Variants in CHRM3 observed in about 807,000 individuals in gnomAD.
The protein encoded by CHRM3 is muscarinic acetylcholine receptor M3.
Under a neutral mutation model 41.8 loss-of-function variants are expected in CHRM3, and 11 were observed. The ratio of observed to expected loss-of-function variants is 0.26; its 90% CI spans 0.17 to 0.44. CHRM3 has a LOEUF of 0.44. CHRM3 is among the 20% of genes least tolerant of loss of function. The pLI, the probability that CHRM3 is intolerant of heterozygous loss-of-function variation, is 1.00. For synonymous variants in CHRM3, 297 were observed against 301.4 expected (o/e 0.99, Z 0.15); for missense variants, 571 against 745.4 (o/e 0.77, Z 2.72).
intron 1 of CHRM3, among the ~76,000 whole-genome samples, chr1:239,423,601 C>A (rs2103114581): frequency 6.6e-6 from 1 of 152,098 alleles, no homozygotes; most frequent in South Asian, 2.1e-4. Context: ...ATTGCAAAAC[C>A]ATGTTACTAA....
chr1:239,669,088 T>C (rs1023877001), intron 4 of CHRM3, among the ~76,000 whole-genome samples: 1 of 152,192 alleles, frequency 6.6e-6, no homozygotes, highest in Non-Finnish European at 1.5e-5. Context: ...GTGTGGAGCC[T>C]GTTGATCCTT....
intron 1 of CHRM3, among the ~76,000 whole-genome samples, chr1:239,440,402 C>T (rs1206193461): frequency 6.6e-6 from 1 of 152,194 alleles, no homozygotes; most frequent in Non-Finnish European, 1.5e-5. Flanking sequence ...GCCGATGGAG[C>T]ACCTGAGCCC....
intron 1 of CHRM3, among the ~76,000 whole-genome samples, chr1:239,482,646 CTCTCAACCGTAGAAT>C (rs1666932234): frequency 6.6e-6 from 1 of 152,160 alleles, no homozygotes; most frequent in African/African-American, 2.4e-5. Flanking sequence ...TCCTACCTAG[CTCTCAACCGTAGAAT>C]TCTCTCATTA....
chr1:239,665,539 A>G (rs1220348770), intron 4 of CHRM3, among the ~76,000 whole-genome samples: 1 of 151,984 alleles, frequency 6.6e-6, no homozygotes, highest in Non-Finnish European at 1.5e-5. Flanking sequence ...TTATTATTAT[A>G]TTTTAAGTTC....
chr1:239,908,809 C>G lies in CHRM3; in HGVS notation c.1358C>G (p.Thr453Ser). The G allele has an allele frequency of 6.2e-7, 1 of 1,614,164 alleles. No homozygotes were observed. Among genetic ancestry groups the G allele is most frequent in the Non-Finnish European group, 8.5e-7 (1 of 1,180,028 alleles). Residue 453 changes from threonine (T) to serine (S), a missense_variant, in exon 7 of 7, where the codon ACT (threonine) becomes AGT (serine). By Grantham distance (58) the Thr-to-Ser change is moderately conservative. Transcript: ENST00000676153. This position sits in a 1 kb window ranked among gnomAD's most constrained non-coding sequence, Gnocchi z 7.2. ...TCCTCAGTGGGTAAGAGCACGGCCACTCTACCTCTGTCCTTCAAGGAAGCC... is the reference window on the plus strand; with the variant it reads ...TCCTCAGTGGGTAAGAGCACGGCCAGTCTACCTCTGTCCTTCAAGGAAGCC... ...VNSSVGKSTA[T>S]LPLSFKEATL...
At chr1:239,838,592 G>A (rs1212990931) in intron 6 of CHRM3, among the ~76,000 whole-genome samples, 4 of 152,096 alleles carry the variant, frequency 2.6e-5, no homozygotes, top group Non-Finnish European at 5.9e-5. Flanking sequence ...TTATCTTATT[G>A]TATAGGCAAT....
intron 5 of CHRM3, among the ~76,000 whole-genome samples, chr1:239,711,348 T>A (rs1661764097): frequency 6.6e-6 from 1 of 151,862 alleles, no homozygotes; most frequent in Admixed American, 6.6e-5. Flanking sequence ...TTACTCAGAG[T>A]TTACTCCTGC....
At chr1:239,521,807 C>T (rs1433643507) in intron 2 of CHRM3, among the ~76,000 whole-genome samples, 1 of 152,122 alleles carries the variant, frequency 6.6e-6, no homozygotes, top group African/African-American at 2.4e-5. Context: ...AATTCAAAAA[C>T]CAGTGCAGTC....
At chr1:239,863,155 T>C (rs1675776045) in intron 6 of CHRM3, among the ~76,000 whole-genome samples, 1 of 152,206 alleles carries the variant, frequency 6.6e-6, no homozygotes, top group Non-Finnish European at 1.5e-5. Context: ...CTATTCCTAA[T>C]GGGTAACTCA....
chr1:239,697,006 ATAAC>A (rs1660256731), intron 5 of CHRM3, among the ~76,000 whole-genome samples: 1 of 152,222 alleles, frequency 6.6e-6, no homozygotes, highest in Non-Finnish European at 1.5e-5. Flanking sequence ...GTTTCAGGGA[ATAAC>A]TATAGTAAGC....
chr1:239,580,258 TCACACACACACACACACACACA>T (rs374479816), intron 3 of CHRM3, among the ~76,000 whole-genome samples: 12 of 132,778 alleles, frequency 9.0e-5, no homozygotes, highest in Admixed American at 3.1e-4. Context: ...ATACACACTG[TCACACACACACACACACACACA>T]CACACACACA....
chr1:239,404,078 C>T lies in CHRM3; in HGVS notation c.-521+16851C>T, dbSNP rs192633409. 2.0e-5 allele frequency among the ~76,000 whole-genome samples: 3 copies of T among 147,180 alleles called. No individual in the cohort carries two copies. In the Admixed American group the frequency reaches 2.1e-4, roughly 10 times the overall value. On this transcript the variant is annotated intron_variant, in intron 1 of 6. Coordinates refer to ENST00000676153, the MANE Select transcript of CHRM3 (RefSeq NM_001375978.1). Reference sequence around the variant, plus strand: ...TTGGGAGGCCAAGGTGGGCGAATCACGAGATCGAGACCATCCTGGCTAACA... The same window carrying T: ...TTGGGAGGCCAAGGTGGGCGAATCATGAGATCGAGACCATCCTGGCTAACA...
At chr1:239,416,569 CA>C (rs1226102596) in intron 1 of CHRM3, among the ~76,000 whole-genome samples, 1 of 151,938 alleles carries the variant, frequency 6.6e-6, no homozygotes, top group African/African-American at 2.4e-5. Flanking sequence ...TTTTTGCTGC[CA>C]ATTAATATTT....
chr1:239,723,632 A>G (rs1268327127), intron 5 of CHRM3, among the ~76,000 whole-genome samples: 2 of 151,950 alleles, frequency 1.3e-5, no homozygotes, highest in Admixed American at 6.6e-5. Context: ...AGTACTTCAT[A>G]TGTTCTGTCT....
intron 5 of CHRM3, among the ~76,000 whole-genome samples, chr1:239,771,197 A>G (rs1252784925): frequency 6.6e-6 from 1 of 152,122 alleles, no homozygotes; most frequent in Non-Finnish European, 1.5e-5. Flanking sequence ...TTTTAATCTC[A>G]GAAGCATGTT....
At chr1:239,750,913 C>G (rs1318375822) in intron 5 of CHRM3, among the ~76,000 whole-genome samples, 1 of 152,104 alleles carries the variant, frequency 6.6e-6, no homozygotes, top group Admixed American at 6.5e-5. Context: ...CTGATGTATC[C>G]TTTCATTGTA....
At chr1:239,749,853 A>G (rs1013722486) in intron 5 of CHRM3, among the ~76,000 whole-genome samples, 14 of 152,246 alleles carry the variant, frequency 9.2e-5, no homozygotes, top group Non-Finnish European at 1.5e-4. Context: ...AAAATACTTC[A>G]TTTAAGGTAT....
At position 239,911,980 on chromosome 1, in the gene CHRM3, T is replaced by C. The variant is rs777398132; in HGVS notation, c.*2756T>C. ...TGTCATTACAGGAGATATTCAGCAC[T>C]TACCTAAGATCAAAATGTCTTCATC... On this transcript the variant is annotated 3_prime_UTR_variant, in exon 7 of 7. Transcript: ENST00000676153. 2.4e-5 allele frequency: 4 copies of C among 167,122 alleles called. No homozygotes were observed. Among genetic ancestry groups the C allele is most frequent in the Non-Finnish European group, 4.4e-5 (3 of 68,128 alleles). 10.4% of individuals were successfully genotyped at this position (167,122 alleles called of 1,614,324 possible).
At chr1:239,574,173 G>T (rs1007634814) in intron 3 of CHRM3, among the ~76,000 whole-genome samples, 2 of 152,120 alleles carry the variant, frequency 1.3e-5, no homozygotes. Flanking sequence ...TCTCAGCTGA[G>T]CTGCCAAAAT....
Sources: gnomAD v4.1 joint callset for allele counts (sites outside exome capture counted in the v4.1 genomes callset) on GRCh38, gnomAD v4.1.1 for gene constraint, Gnocchi (gnomAD v3.1) non-coding constraint, MANE v1.5 for transcripts, NCBI Gene and HGNC (gene_info 2026-07-23, HGNC 2026-07-21) for gene names.